The following CD36 variants were observed in gnomAD, a reference collection of about 807,000 sequenced individuals.
The protein encoded by CD36 is platelet glycoprotein 4.
Under a neutral mutation model 55.2 loss-of-function variants are expected in CD36, and 119 were observed. That is an observed-to-expected ratio of 2.15 (90% CI 1.86 to 2.51). The LOEUF (loss-of-function observed/expected upper bound fraction) is 2.51. CD36 is among the 30% of genes most tolerant of loss of function. CD36 has a pLI of 0.00. For missense variants in CD36, 819 were observed against 555.5 expected (o/e 1.47, Z -4.77); for synonymous variants, 186 against 193.6 (o/e 0.96, Z 0.33).
At chr7:80,648,023 G>T (rs1795302714) in intron 3 of CD36, among the ~76,000 whole-genome samples, 1 of 152,094 alleles carries the variant, frequency 6.6e-6, no homozygotes, top group South Asian at 2.1e-4. Context: ...AATACAGAGG[G>T]CTGACTGTAT....
chr7:80,673,998 G>T lies in CD36; in HGVS notation c.1270G>T (p.Asp424Tyr). The T allele has an allele frequency of 6.2e-7, 1 of 1,611,894 alleles. No individual in the cohort carries two copies. The highest frequency in any genetic ancestry group is 8.5e-7 in the Non-Finnish European group (1 of 1,178,494). The change falls in exon 14 of 15, where the codon GAT (aspartate) becomes TAT (tyrosine). Residue 424 changes from aspartate (D) to tyrosine (Y), a missense_variant. Coordinates refer to ENST00000447544, the MANE Select transcript of CD36 (RefSeq NM_001001548.3). ...TTGATTACAGACTGGGACCATTGGT[G>T]ATGAGAAGGCAAACATGTTCAGAAG... is the stretch of plus-strand genomic sequence containing the variant. ...LWLNETGTIG[D>Y]EKANMFRSQV...
chr7:80,629,032 T>A (rs1468449422), intron 1 of CD36, among the ~76,000 whole-genome samples: 2 of 152,058 alleles, frequency 1.3e-5, no homozygotes, highest in East Asian at 3.9e-4. Context: ...GTTCCTAGAT[T>A]GACTTTTTCT....
At chr7:80,626,513 A>G (rs1319503189) in intron 1 of CD36, among the ~76,000 whole-genome samples, 5 of 152,086 alleles carry the variant, frequency 3.3e-5, no homozygotes, top group Non-Finnish European at 4.4e-5. Context: ...TCTATTATCT[A>G]TGTGCCAATA....
intron 13 of CD36, 70 bp from the exon 14 acceptor site, chr7:80,673,913 T>C: frequency 9.0e-7 from 1 of 1,110,232 alleles, no homozygotes; most frequent in Non-Finnish European, 1.4e-6. Context: ...AAAAGGGTGA[T>C]AGGCAATTGA....
intron 1 of CD36, among the ~76,000 whole-genome samples, chr7:80,630,515 C>T (rs565743809): frequency 1.3e-5 from 2 of 151,998 alleles, no homozygotes; most frequent in Admixed American, 6.6e-5. Flanking sequence ...AAAGTCTATA[C>T]TGAAAGCTTA....
At chr7:80,663,460 T>G (rs929058031) in intron 6 of CD36, among the ~76,000 whole-genome samples, 2 of 152,102 alleles carry the variant, frequency 1.3e-5, no homozygotes, top group African/African-American at 4.8e-5. Flanking sequence ...AGTCTGTAAA[T>G]CTTTGAGCAC....
At chr7:80,604,741 G>A (rs1290977147) in intron 1 of CD36, among the ~76,000 whole-genome samples, 5 of 151,830 alleles carry the variant, frequency 3.3e-5, no homozygotes, top group African/African-American at 1.2e-4. Flanking sequence ...AATGAGGATA[G>A]TTTTTAAAAA....
chr7:80,674,288 A>G (rs974728306), intron 14 of CD36, 141 bp downstream of exon 14: 1 of 631,470 alleles, frequency 1.6e-6, no homozygotes, highest in Non-Finnish European at 2.8e-6. Flanking sequence ...AATATAGGTA[A>G]ATAAACCTAT....
chr7:80,604,758 A>G (rs1792449823), intron 1 of CD36, among the ~76,000 whole-genome samples: 1 of 152,034 alleles, frequency 6.6e-6, no homozygotes. Context: ...AAAATAAATT[A>G]TTATTAGTTT....
intron 14 of CD36, 79 bp downstream of exon 14, chr7:80,674,226 A>C: frequency 1.0e-6 from 1 of 992,808 alleles, no homozygotes; most frequent in African/African-American, 1.6e-5. Context: ...AAGAGAAGTT[A>C]CATATTAGGC....
chr7:80,629,799 A>G (rs1266673858), intron 1 of CD36, among the ~76,000 whole-genome samples: 1 of 151,954 alleles, frequency 6.6e-6, no homozygotes, highest in Non-Finnish European at 1.5e-5. Flanking sequence ...ATACACCTTA[A>G]CACTCATGTA....
chr7:80,636,106 A>C (rs1794380914), upstream of CD36, among the ~76,000 whole-genome samples: 1 of 152,096 alleles, frequency 6.6e-6, no homozygotes, highest in South Asian at 2.1e-4. Context: ...CAGGGCAAAA[A>C]CAAAAGTCAA....
In CD36 at chr7:80,664,501, A is replaced by G; in HGVS notation, c.701+4A>G. ...TCGACACATATAAAGGTAAAAGGTA[A>G]GTATTCTGGTAAAATGTGCATGTAT... On this transcript the variant is annotated splice_donor_region_variant and intron_variant, in intron 7 of 14. Coordinates refer to ENST00000447544, the MANE Select transcript of CD36 (RefSeq NM_001001548.3). The G allele has an allele frequency of 9.6e-6, 14 of 1,456,158 alleles. No homozygotes were observed. Among genetic ancestry groups the G allele is most frequent in the Non-Finnish European group, 1.4e-5 (14 of 1,036,458 alleles). 90.2% of individuals were successfully genotyped at this position (1,456,158 alleles called of 1,614,324 possible). A position where few individuals can be genotyped will look rare whatever the true frequency, so the allele number is the denominator to read the frequency against.
At chr7:80,615,635 G>C (rs1793107988) in intron 1 of CD36, among the ~76,000 whole-genome samples, 1 of 152,126 alleles carries the variant, frequency 6.6e-6, no homozygotes, top group African/African-American at 2.4e-5. Flanking sequence ...CATGCTCAAA[G>C]CCTGGAGTAT....
At position 80,678,386 on chromosome 7, in the gene CD36, A is replaced by G. The variant is rs955035939; in HGVS notation, c.*2003A>G. ...CAATAGCGTCTGCAAATGGATTAAC[A>G]GATTAGAGAATCAACAGCATCGGAA... On this transcript the variant is annotated 3_prime_UTR_variant, in exon 15 of 15. Coordinates refer to ENST00000447544, the MANE Select transcript of CD36 (RefSeq NM_001001548.3). 6.6e-6 allele frequency: 1 copy of G among 152,222 alleles called. No individual in the cohort carries two copies. Among genetic ancestry groups the G allele is most frequent in the Non-Finnish European group, 1.5e-5 (1 of 68,044 alleles). The allele number at this position is 152,222 out of a possible 1,614,324, so 9.4% of individuals were successfully genotyped here.
At chr7:80,670,949 A>C (rs1426896260) in intron 9 of CD36, 28 bp from the exon 10 acceptor site, 3 of 1,533,322 alleles carry the variant, frequency 2.0e-6, no homozygotes, top group Non-Finnish European at 2.7e-6. Context: ...AGGTTCCTGG[A>C]ATGCAGCTCT....
chr7:80,616,378 T>G (rs969920412), intron 1 of CD36, among the ~76,000 whole-genome samples: 2 of 151,796 alleles, frequency 1.3e-5, no homozygotes, highest in Admixed American at 1.3e-4. Flanking sequence ...ACCATTGTGA[T>G]GTTGAAGGGT....
rs532152915 is a variant in CD36, at chr7:80,657,584, C to T, written c.281+884C>T. Among the ~76,000 whole-genome samples, 26 of 152,242 alleles carry T rather than the reference C, an allele frequency of 1.7e-4. No homozygotes were observed. The East Asian group carries it at 4.4e-3, about 26-fold the overall frequency. On this transcript the variant is annotated intron_variant, in intron 4 of 14. Transcript: ENST00000447544. ...ATGTGAGGTCACTTGTCCATGTTCA[C>T]ACAGATGTAGGTACTGGTAGCTCCT...
At chr7:80,656,093 G>A (rs1022038714) in intron 3 of CD36, among the ~76,000 whole-genome samples, 16 of 152,062 alleles carry the variant, frequency 1.1e-4, no homozygotes, top group Non-Finnish European at 2.2e-4. Context: ...AAAAGAAAAA[G>A]CTTCCAATAC....
Sources: gnomAD v4.1 joint callset for allele counts (sites outside exome capture counted in the v4.1 genomes callset) on GRCh38, gnomAD v4.1.1 for gene constraint, MANE v1.5 for transcripts, NCBI Gene and HGNC (gene_info 2026-07-23, HGNC 2026-07-21) for gene names.